Variants in SNX29 observed in about 807,000 individuals in gnomAD.
SNX29 encodes the protein sorting nexin 29, also known as sorting nexin-29.
In SNX29, 78 loss-of-function variants were observed where a neutral mutation model predicts 102.1. The ratio of observed to expected loss-of-function variants is 0.76; its 90% CI spans 0.64 to 0.92. The LOEUF (loss-of-function observed/expected upper bound fraction) is 0.92. Ranked by LOEUF, SNX29 falls within the 40% of genes least tolerant of loss-of-function variation. The probability of loss-of-function intolerance (pLI) is 0.00; values close to 1 mark genes in which losing one functional copy is unlikely to be tolerated. For synonymous variants in SNX29, 580 were observed against 414.5 expected, an observed-to-expected ratio of 1.40 and a Z score of -4.85; for missense variants, 1,280 against 1,061.7, an observed-to-expected ratio of 1.21 and a Z score of -2.86.
At chr16:12,565,355 A>G (rs1645183503) in intron 20 of SNX29, among the ~76,000 whole-genome samples, 2 of 152,140 alleles carry the variant, frequency 1.3e-5, no homozygotes, top group South Asian at 4.1e-4. Flanking sequence ...TCACGCACTC[A>G]CTGAAGCCCC....
At chr16:12,558,472 T>TC (rs2078512285) in intron 20 of SNX29, among the ~76,000 whole-genome samples, 1 of 152,210 alleles carries the variant, frequency 6.6e-6, no homozygotes, top group African/African-American at 2.4e-5. Flanking sequence ...TGCCATCCTT[T>TC]AAAGTTAAGC....
At chr16:12,101,297 C>G (rs1301495489) in intron 11 of SNX29, among the ~76,000 whole-genome samples, 2 of 70,830 alleles carry the variant, frequency 2.8e-5, no homozygotes, top group East Asian at 9.4e-4. Context: ...GTGGCCCCCC[C>G]CAACTTTTTT....
chr16:12,216,497 C>T (rs993978873), intron 14 of SNX29, among the ~76,000 whole-genome samples: 19 of 152,216 alleles, frequency 1.2e-4, no homozygotes, highest in Non-Finnish European at 2.6e-4. Context: ...TCCGAGATGA[C>T]AAGAAGTCGG....
At chr16:12,396,756 A>G (rs1427198356) in intron 16 of SNX29, among the ~76,000 whole-genome samples, 1 of 152,154 alleles carries the variant, frequency 6.6e-6, no homozygotes, top group African/African-American at 2.4e-5. Flanking sequence ...AAATGCATGG[A>G]GTGGGATGAG....
At chr16:12,499,435 A>T (rs1489777268) in intron 19 of SNX29, among the ~76,000 whole-genome samples, 7 of 152,154 alleles carry the variant, frequency 4.6e-5, no homozygotes, top group Admixed American at 4.6e-4. Flanking sequence ...CCAGATTCTC[A>T]AGGCAAGTGG....
At chr16:12,272,595 A>G (rs2079123490) in intron 14 of SNX29, among the ~76,000 whole-genome samples, 1 of 152,246 alleles carries the variant, frequency 6.6e-6, no homozygotes, top group African/African-American at 2.4e-5. Context: ...TTCTGATTAC[A>G]TAGTTTACAT....
chr16:12,388,659 G>A (rs1234954984), intron 16 of SNX29, among the ~76,000 whole-genome samples: 16 of 152,314 alleles, frequency 1.1e-4, no homozygotes, highest in African/African-American at 3.8e-4. Flanking sequence ...ATAACTGGCT[G>A]AGTGGGACTG....
At chr16:12,223,129 A>T (rs1019959523) in intron 14 of SNX29, among the ~76,000 whole-genome samples, 1 of 152,204 alleles carries the variant, frequency 6.6e-6, no homozygotes, top group African/African-American at 2.4e-5. Flanking sequence ...GAGTCAGACC[A>T]TGTAAGGGTG....
At chr16:12,440,550 G>A (rs562339682) in intron 18 of SNX29, among the ~76,000 whole-genome samples, 20 of 152,244 alleles carry the variant, frequency 1.3e-4, no homozygotes, top group Admixed American at 2.0e-4. Flanking sequence ...CAGGTATTAA[G>A]CCGAGTCCTC....
chr16:12,554,473 A>G (rs964869270), intron 20 of SNX29, among the ~76,000 whole-genome samples: 4 of 152,184 alleles, frequency 2.6e-5, no homozygotes, highest in African/African-American at 7.2e-5. Flanking sequence ...GGTCCTGCAC[A>G]TAGGCATGGA....
intron 19 of SNX29, among the ~76,000 whole-genome samples, chr16:12,483,605 A>C (rs1250959975): frequency 6.6e-6 from 1 of 152,106 alleles, no homozygotes; most frequent in Non-Finnish European, 1.5e-5. Flanking sequence ...GTGAGCCACC[A>C]CATCTGGCCC....
At chr16:12,070,479 C>A (rs1323310798) in intron 10 of SNX29, among the ~76,000 whole-genome samples, 4 of 151,824 alleles carry the variant, frequency 2.6e-5, no homozygotes, top group Non-Finnish European at 5.9e-5. Context: ...TTTCCAGTTT[C>A]ATCCATGTCC....
At chr16:12,093,872 C>G (rs1020926393) in intron 11 of SNX29, 4 of 152,214 alleles carry the variant, frequency 2.6e-5, no homozygotes, top group Admixed American at 6.5e-5. Flanking sequence ...TTTCACGACT[C>G]TCCTTCAGAG....
At chr16:12,492,797 C>G (rs901405673) in intron 19 of SNX29, among the ~76,000 whole-genome samples, 1 of 152,170 alleles carries the variant, frequency 6.6e-6, no homozygotes, top group Non-Finnish European at 1.5e-5. Context: ...AATCCTTTCC[C>G]CATTGCTTGT....
intron 14 of SNX29, among the ~76,000 whole-genome samples, chr16:12,246,564 C>T (rs2078265784): frequency 6.6e-6 from 1 of 152,098 alleles, no homozygotes; most frequent in Admixed American, 6.6e-5. Flanking sequence ...TTGCTTGGAC[C>T]TGGGAGGCGA....
chr16:12,425,899 T>G (rs182063414), intron 18 of SNX29, among the ~76,000 whole-genome samples: 42 of 152,226 alleles, frequency 2.8e-4, no homozygotes, highest in Non-Finnish European at 5.3e-4. Flanking sequence ...CCACAAAACT[T>G]GGTGTGTTTT....
At chr16:12,032,000 A>G (rs1271260521) in intron 4 of SNX29, among the ~76,000 whole-genome samples, 1 of 152,108 alleles carries the variant, frequency 6.6e-6, no homozygotes, top group Admixed American at 6.6e-5. Flanking sequence ...TACTTGTTAA[A>G]CACTAACACT....
chr16:12,343,167 T>A (rs980446242), intron 15 of SNX29, among the ~76,000 whole-genome samples: 7 of 152,220 alleles, frequency 4.6e-5, no homozygotes, highest in African/African-American at 1.7e-4. Context: ...CCTCCACTGA[T>A]TTCTCAAGAC....
chr16:12,241,324 G>A (rs2078098130), intron 14 of SNX29, among the ~76,000 whole-genome samples: 1 of 152,128 alleles, frequency 6.6e-6, no homozygotes, highest in African/African-American at 2.4e-5. Context: ...GAAAATCACT[G>A]TTTTACGTTA....
Sources: allele counts gnomAD v4.1 joint callset (sites outside exome capture counted in the v4.1 genomes callset), GRCh38; gene constraint gnomAD v4.1.1; transcripts MANE v1.5; gene names NCBI Gene and HGNC (gene_info 2026-07-23, HGNC 2026-07-21).